Variants in CDH18 observed in about 807,000 individuals in gnomAD.
CDH18 encodes cadherin 18.
CDH18 carries 31 observed loss-of-function variants against 67.9 expected under a neutral mutation model. The ratio of observed to expected loss-of-function variants is 0.46; its 90% CI spans 0.34 to 0.62. The LOEUF is 0.62. CDH18 is among the 20% of genes least tolerant of loss of function. CDH18 has a pLI of 0.01. For synonymous variants in CDH18, 362 were observed against 347.2 expected, an observed-to-expected ratio of 1.04 and a Z score of -0.48; for missense variants, 890 against 975.5, an observed-to-expected ratio of 0.91 and a Z score of 1.17.
intron 9 of CDH18, among the ~76,000 whole-genome samples, chr5:19,527,769 C>A (rs1747968153): frequency 6.6e-6 from 1 of 151,756 alleles, no homozygotes; most frequent in East Asian, 1.9e-4. Flanking sequence ...TAAGTGCTCT[C>A]ATTTATTACA....
intron 1 of CDH18, among the ~76,000 whole-genome samples, chr5:20,322,231 T>A (rs776139136): frequency 9.2e-5 from 14 of 152,094 alleles, no homozygotes; most frequent in Non-Finnish European, 2.1e-4. Context: ...TGATTTCAGT[T>A]GAGTCAATAA....
intron 5 of CDH18, among the ~76,000 whole-genome samples, chr5:19,685,780 T>A (rs1332468400): frequency 6.6e-6 from 1 of 152,188 alleles, no homozygotes; most frequent in African/African-American, 2.4e-5. Flanking sequence ...TGATGTTAAG[T>A]TCCATCTTTT....
intron 10 of CDH18, among the ~76,000 whole-genome samples, chr5:19,506,543 A>G (rs1744194420): frequency 6.6e-6 from 1 of 152,218 alleles, no homozygotes; most frequent in Non-Finnish European, 1.5e-5. Flanking sequence ...ACAGCATGGT[A>G]CTGGTACCAA....
At chr5:20,395,579 GCTA>G (rs1239865609) in intron 1 of CDH18, among the ~76,000 whole-genome samples, 1 of 152,102 alleles carries the variant, frequency 6.6e-6, no homozygotes. Flanking sequence ...TACCTCTAAA[GCTA>G]CTGATGGAAA....
intron 1 of CDH18, among the ~76,000 whole-genome samples, chr5:20,432,587 G>A (rs1488792755): frequency 6.6e-6 from 1 of 152,002 alleles, no homozygotes; most frequent in Non-Finnish European, 1.5e-5. Flanking sequence ...TATTGGCCGG[G>A]CTGATTTCAC....
chr5:19,892,182 ACTGT>A (rs1276364765), intron 2 of CDH18, among the ~76,000 whole-genome samples: 2 of 152,210 alleles, frequency 1.3e-5, no homozygotes, highest in Non-Finnish European at 2.9e-5. Flanking sequence ...GTTAGAAGAC[ACTGT>A]CTGAAGTAGC....
At position 20,265,479 on chromosome 5, in the gene CDH18, C is replaced by T. The variant is rs1009733593; in HGVS notation, c.-579-9974G>A. Among the ~76,000 whole-genome samples the T allele has an allele frequency of 2.6e-5, 4 of 151,716 alleles. No individual in the cohort carries two copies. In the South Asian group the frequency reaches 8.3e-4, roughly 31 times the overall value. On this transcript the variant is annotated intron_variant, in intron 1 of 14. Transcript: ENST00000507958. Reference sequence around the variant, plus strand: ...AAAAGAAACATTCAAAATAAAAGTTCCAGTTTATTTCTGAATGCCCAGGAA... The same window carrying T: ...AAAAGAAACATTCAAAATAAAAGTTTCAGTTTATTTCTGAATGCCCAGGAA...
intron 1 of CDH18, among the ~76,000 whole-genome samples, chr5:20,511,331 A>G (rs1057276395): frequency 4.6e-5 from 7 of 152,188 alleles, no homozygotes; most frequent in African/African-American, 1.7e-4. Context: ...ACAGACAGAT[A>G]GCTCACAGAA....
At chr5:19,805,759 T>C (rs1026835019) in intron 3 of CDH18, among the ~76,000 whole-genome samples, 1 of 152,118 alleles carries the variant, frequency 6.6e-6, no homozygotes, top group African/African-American at 2.4e-5. Flanking sequence ...TTCTACATCT[T>C]AAAAAATATT....
chr5:19,612,481 T>C lies in CDH18; in HGVS notation c.764A>G (p.Asn255Ser), dbSNP rs1176383452. Residue 255 changes from asparagine to serine, a missense_variant, in exon 6 of 13, where the codon AAC becomes AGC. Transcript: ENST00000382275. Reference protein sequence around the residue: ...VGGLSGSTTVNITLTDVNDNP... With the variant: ...VGGLSGSTTVSITLTDVNDNP... ...GTCATTGACATCGGTTAAGGTGATGTTGACTGTTGTAGATCCTGAAAGCCC... is the reference window on the plus strand; with the variant it reads ...GTCATTGACATCGGTTAAGGTGATGCTGACTGTTGTAGATCCTGAAAGCCC... The C allele has an allele frequency of 6.2e-7, 1 of 1,614,160 alleles. No homozygotes were observed. The highest frequency in any genetic ancestry group is 8.5e-7 in the Non-Finnish European group (1 of 1,180,014).
At chr5:19,568,794 T>C (rs1037640716) in intron 8 of CDH18, among the ~76,000 whole-genome samples, 1 of 147,418 alleles carries the variant, frequency 6.8e-6, no homozygotes, top group African/African-American at 2.7e-5. Flanking sequence ...ATGTTTTTTG[T>C]TTATACCACA....
At chr5:20,056,472 TCTTTTG>T (rs1741957517) in intron 2 of CDH18, among the ~76,000 whole-genome samples, 4 of 135,578 alleles carry the variant, frequency 3.0e-5, no homozygotes, top group African/African-American at 5.5e-5. Flanking sequence ...TTATTTTCTT[TCTTTTG>T]TTTTTTTTTT....
At chr5:19,747,545 A>G (rs16888229) in intron 3 of CDH18, among the ~76,000 whole-genome samples, 13,645 of 152,092 alleles carry the variant, frequency 0.09, 1,430 homozygotes, top group East Asian at 0.24. Flanking sequence ...TAACTGCCAT[A>G]AAGTTGGGAA....
At chr5:20,226,021 C>A (rs766825313) in intron 2 of CDH18, among the ~76,000 whole-genome samples, 4 of 152,042 alleles carry the variant, frequency 2.6e-5, no homozygotes, top group Non-Finnish European at 5.9e-5. Context: ...AGGCTTTCAG[C>A]ACTTCTGGAT....
chr5:20,456,959 G>A (rs1048045129), intron 1 of CDH18, among the ~76,000 whole-genome samples: 25 of 152,170 alleles, frequency 1.6e-4, no homozygotes, highest in African/African-American at 5.8e-4. Flanking sequence ...ACATTTAGAA[G>A]AGTTCCACAC....
intron 11 of CDH18, among the ~76,000 whole-genome samples, chr5:19,489,336 C>T (rs1458217369): frequency 2.0e-5 from 3 of 151,192 alleles, no homozygotes; most frequent in Admixed American, 1.3e-4. Flanking sequence ...CAACCTCCAC[C>T]TCCCGGGTTC....
At chr5:20,467,818 G>A (rs780209804) in intron 1 of CDH18, among the ~76,000 whole-genome samples, 1 of 151,988 alleles carries the variant, frequency 6.6e-6, no homozygotes, top group Non-Finnish European at 1.5e-5. Flanking sequence ...AGAAATAGTA[G>A]GCATTTGCAG....
At chr5:19,859,366 C>T (rs1784632686) in intron 2 of CDH18, among the ~76,000 whole-genome samples, 1 of 152,060 alleles carries the variant, frequency 6.6e-6, no homozygotes, top group Non-Finnish European at 1.5e-5. Context: ...ATGACAAATA[C>T]CAGGCCCTGA....
intron 3 of CDH18, among the ~76,000 whole-genome samples, chr5:19,794,261 T>G (rs1003405694): frequency 6.6e-6 from 1 of 152,102 alleles, no homozygotes; most frequent in East Asian, 1.9e-4. Flanking sequence ...TTCCAGAAGA[T>G]ATTAGTATTT....
Sources: gnomAD v4.1 joint callset for allele counts (sites outside exome capture counted in the v4.1 genomes callset) on GRCh38, gnomAD v4.1.1 for gene constraint, MANE v1.5 for transcripts, NCBI Gene and HGNC (gene_info 2026-07-23, HGNC 2026-07-21) for gene names.